NCKAP5: variants seen among roughly 807,000 people sequenced by gnomAD.
NCKAP5 encodes NCK associated protein 5.
Under a neutral mutation model 167.0 loss-of-function variants are expected in NCKAP5, and 92 were observed. The ratio of observed to expected loss-of-function variants is 0.55; its 90% CI spans 0.47 to 0.66. The LOEUF (loss-of-function observed/expected upper bound fraction) is 0.66. Ranked by LOEUF, NCKAP5 falls within the 30% of genes least tolerant of loss-of-function variation. The probability of loss-of-function intolerance (pLI) is 0.00; values close to 1 mark genes in which losing one functional copy is unlikely to be tolerated. For synonymous variants in NCKAP5, 891 were observed against 877.4 expected (o/e 1.02, Z -0.27); for missense variants, 2,378 against 2,315.0 (o/e 1.03, Z -0.56).
At chr2:133,226,255 T>C (rs34599537) in intron 4 of NCKAP5, among the ~76,000 whole-genome samples, 27,193 of 152,020 alleles carry the variant, frequency 0.18, 2,683 homozygotes, top group African/African-American at 0.25. Flanking sequence ...AAGGTGGTTT[T>C]TAGGCTAAAT....
intron 6 of NCKAP5, among the ~76,000 whole-genome samples, chr2:133,033,373 C>T (rs1463366826): frequency 2.6e-5 from 4 of 152,150 alleles, no homozygotes; most frequent in Non-Finnish European, 5.9e-5. Flanking sequence ...ATCAGGCAAG[C>T]CTTCCCTATA....
intron 3 of NCKAP5, among the ~76,000 whole-genome samples, chr2:133,439,010 A>G (rs1690669401): frequency 6.6e-6 from 1 of 152,162 alleles, no homozygotes; most frequent in Non-Finnish European, 1.5e-5. Flanking sequence ...CTTGTCCTAA[A>G]ACTGTTTGAT....
chr2:132,926,870 G>C (rs1695940424), intron 8 of NCKAP5, among the ~76,000 whole-genome samples: 1 of 152,070 alleles, frequency 6.6e-6, no homozygotes. Flanking sequence ...AAGCTGTTTA[G>C]TTTTATTAAG....
intron 11 of NCKAP5, among the ~76,000 whole-genome samples, chr2:132,849,314 C>T (rs1688908424): frequency 6.6e-6 from 1 of 152,130 alleles, no homozygotes; most frequent in Non-Finnish European, 1.5e-5. Flanking sequence ...TCCTGCTTAT[C>T]TCAGACACTA....
chr2:132,837,174 C>T (rs1687950498), intron 11 of NCKAP5, among the ~76,000 whole-genome samples: 1 of 152,076 alleles, frequency 6.6e-6, no homozygotes, highest in Non-Finnish European at 1.5e-5. Flanking sequence ...TGTAGCTGTC[C>T]CCACCCTTGG....
intron 2 of NCKAP5, among the ~76,000 whole-genome samples, chr2:133,524,679 T>C (rs971110851): frequency 6.6e-6 from 1 of 152,198 alleles, no homozygotes; most frequent in Non-Finnish European, 1.5e-5. Context: ...AAATAGAATG[T>C]TTGAAACTCC....
intron 3 of NCKAP5, among the ~76,000 whole-genome samples, chr2:133,466,652 T>A (rs1476705145): frequency 6.6e-6 from 1 of 152,246 alleles, no homozygotes. Context: ...GCATGGAATG[T>A]TCTTCCGTTT....
At position 132,784,880 on chromosome 2, in the gene NCKAP5, G is replaced by C. The variant is rs775296292; in HGVS notation, c.1931C>G (p.Thr644Ser). The C allele has an allele frequency of 3.2e-6, 5 of 1,561,968 alleles. No homozygotes were observed. Among genetic ancestry groups the C allele is most frequent in the East Asian group, 4.5e-5 (2 of 44,440 alleles). Residue 644 changes from threonine (T) to serine (S), a missense_variant, in exon 14 of 20, where the codon ACT becomes AGT. Thr to Ser is a moderately conservative substitution (Grantham distance 58). Around this residue, in one of 3 missense-constraint regions of NCKAP5, gnomAD observed 1,049 missense variants for 1,023.4 expected, o/e 1.02. Transcript: ENST00000409261. ...AATGAAACTAAAAGTCTTTGGCCTA[G>C]TCTCTGAAGGGATGGGCACTTGTTT... ...EEKQVPIPSETRPKTFSFIKQ... is the reference protein window; with the variant it reads ...EEKQVPIPSESRPKTFSFIKQ...
At chr2:133,672,611 T>G in the NCKAP5 span, among the ~76,000 whole-genome samples, 3 of 152,318 alleles carry the variant, frequency 2.0e-5, no homozygotes, top group Middle Eastern at 6.8e-3. Flanking sequence ...AGTAAATGTT[T>G]TAGGCTTTTC....
intron 3 of NCKAP5, among the ~76,000 whole-genome samples, chr2:133,443,932 T>C (rs1388195634): frequency 1.2e-4 from 18 of 152,246 alleles, no homozygotes; most frequent in Non-Finnish European, 7.3e-5. Flanking sequence ...CCAGGGCAAC[T>C]GGCTGCTCCT....
chr2:132,741,828 A>T (rs988866677), intron 16 of NCKAP5, among the ~76,000 whole-genome samples: 4 of 152,092 alleles, frequency 2.6e-5, no homozygotes, highest in Non-Finnish European at 4.4e-5. Flanking sequence ...ATTCTCTAAC[A>T]AAATTACTCT....
intron 4 of NCKAP5, among the ~76,000 whole-genome samples, chr2:133,217,074 C>T (rs1412308873): frequency 6.6e-6 from 1 of 152,006 alleles, no homozygotes; most frequent in Non-Finnish European, 1.5e-5. Context: ...TGCCTCGGAC[C>T]TGAGAGGCAC....
the NCKAP5 span, among the ~76,000 whole-genome samples, chr2:133,622,144 A>G: frequency 6.6e-6 from 1 of 152,200 alleles, no homozygotes; most frequent in African/African-American, 2.4e-5. Context: ...TTAAGGTAAT[A>G]GAAGCCATCT....
At chr2:133,602,506 G>T in the NCKAP5 span, among the ~76,000 whole-genome samples, 1 of 152,182 alleles carries the variant, frequency 6.6e-6, no homozygotes, top group Non-Finnish European at 1.5e-5. Context: ...TTATTCAGGA[G>T]GGAGGTAGGC....
intron 8 of NCKAP5, among the ~76,000 whole-genome samples, chr2:132,884,883 C>T (rs935039238): frequency 1.3e-5 from 2 of 152,182 alleles, no homozygotes; most frequent in African/African-American, 2.4e-5. Context: ...ACACTGCAAT[C>T]GATCCATTCA....
At chr2:133,472,230 GA>G (rs1170701448) in intron 3 of NCKAP5, among the ~76,000 whole-genome samples, 1 of 151,810 alleles carries the variant, frequency 6.6e-6, no homozygotes, top group Non-Finnish European at 1.5e-5. Flanking sequence ...CCATATGTGA[GA>G]AAAACATGTT....
At chr2:133,080,730 G>A (rs1261049913) in intron 6 of NCKAP5, among the ~76,000 whole-genome samples, 1 of 152,066 alleles carries the variant, frequency 6.6e-6, no homozygotes, top group Non-Finnish European at 1.5e-5. Context: ...CTACTCTCAA[G>A]GAACTTGAAA....
At chr2:132,968,529 C>T (rs1296021698) in intron 7 of NCKAP5, among the ~76,000 whole-genome samples, 1 of 152,140 alleles carries the variant, frequency 6.6e-6, no homozygotes, top group African/African-American at 2.4e-5. Flanking sequence ...GAGTTGGACT[C>T]AATGTCTCTT....
intron 6 of NCKAP5, among the ~76,000 whole-genome samples, chr2:133,028,288 G>A (rs1453092203): frequency 6.6e-6 from 1 of 152,152 alleles, no homozygotes; most frequent in African/African-American, 2.4e-5. Context: ...CTTAAAAAGT[G>A]TGGAAATTAC....
Sources: allele counts gnomAD v4.1 joint callset (sites outside exome capture counted in the v4.1 genomes callset), GRCh38; gene constraint gnomAD v4.1.1; regional missense constraint gnomAD v4.1.1; transcripts MANE v1.5; gene names NCBI Gene and HGNC (gene_info 2026-07-23, HGNC 2026-07-21).